TC2N: variants seen among roughly 807,000 people sequenced by gnomAD.
TC2N encodes tandem C2 domains nuclear protein.
A neutral mutation model predicts 61.9 loss-of-function variants in TC2N; 51 were observed. The ratio of observed to expected loss-of-function variants is 0.82; its 90% CI spans 0.66 to 1.04. The LOEUF is 1.04. Ranked by LOEUF, TC2N falls within the 50% of genes least tolerant of loss-of-function variation. The pLI, the probability that TC2N is intolerant of heterozygous loss-of-function variation, is 0.00. For synonymous variants in TC2N, 204 were observed against 192.6 expected (o/e 1.06, Z -0.49); for missense variants, 556 against 566.7 (o/e 0.98, Z 0.19).
Position 91,798,342 on chromosome 14 carries a change from A to C in TC2N, c.695T>G (p.Phe232Cys), listed in dbSNP as rs745549759. The C allele has an allele frequency of 1.9e-6, 3 of 1,596,976 alleles. No individual in the cohort carries two copies. The East Asian group carries it at 6.8e-5, about 36-fold the overall frequency. Residue 232 changes from phenylalanine to cysteine, a missense_variant, in exon 7 of 12, where the codon TTT (phenylalanine) becomes TGT (cysteine). Phe to Cys is a radical substitution (Grantham distance 205). Coordinates refer to ENST00000435962, the MANE Select transcript of TC2N (RefSeq NM_001128596.3). ...GATCTGTTCTACTGAAGAATTATAA[A>C]ACAATTTCACATTCAGTCTCCCAAA... ...RDFGRLNVKLFYNSSVEQIWI... is the reference protein window; with the variant it reads ...RDFGRLNVKLCYNSSVEQIWI...
chr14:91,807,229 G>C (rs914589122), intron 3 of TC2N, among the ~76,000 whole-genome samples: 9 of 152,240 alleles, frequency 5.9e-5, no homozygotes, highest in Non-Finnish European at 1.3e-4. Flanking sequence ...GTATGGAAGG[G>C]AAATGTGGAG....
intron 1 of TC2N, among the ~76,000 whole-genome samples, chr14:91,819,442 A>G (rs1168903620): frequency 6.6e-6 from 1 of 152,174 alleles, no homozygotes; most frequent in African/African-American, 2.4e-5. Flanking sequence ...CCATCAACCT[A>G]GAATTTGACA....
At position 91,785,874 on chromosome 14, in the gene TC2N, GA is replaced by G. The variant is rs1009550326; in HGVS notation, c.1163-514del. Among the ~76,000 whole-genome samples, 29 of 152,014 alleles carry G rather than the reference GA, an allele frequency of 1.9e-4. 1 individual carries two copies. Among genetic ancestry groups the G allele is most frequent in the Non-Finnish European group, 3.2e-4 (22 of 67,960 alleles). ...CCATAAACAACTATTATAAACTTTG[GA>G]AAAAAATTTTAAAACACTAAAAGCA... On this transcript the variant is annotated intron_variant, in intron 10 of 11. Coordinates refer to ENST00000435962, the MANE Select transcript of TC2N (RefSeq NM_001128596.3).
rs1885158624 is a variant in TC2N at position 91,782,102 on chromosome 14, A to G, written c.*998T>C. 6.6e-6 allele frequency: 1 copy of G among 152,098 alleles called. No individual in the cohort carries two copies. 9.4% of individuals were successfully genotyped at this position (152,098 alleles called of 1,614,324 possible). On this transcript the variant is annotated 3_prime_UTR_variant, in exon 12 of 12. Transcript: ENST00000435962. ...TTTTTGGCCACAGTTCTTATGGTCA[A>G]TTAAGCTGAAATTATTTCCAAATAC...
intron 1 of TC2N, among the ~76,000 whole-genome samples, chr14:91,816,746 C>T (rs1039694152): frequency 6.6e-6 from 1 of 151,878 alleles, no homozygotes; most frequent in Non-Finnish European, 1.5e-5. Context: ...TTCGCTATCT[C>T]ATTAGCACAA....
intron 1 of TC2N, chr14:91,866,391 G>C (rs187381348): frequency 1.2e-3 from 179 of 152,336 alleles, no homozygotes; most frequent in African/African-American, 4.2e-3. Context: ...AAAGTGTTAT[G>C]ATTGGCAAAC....
intron 1 of TC2N, chr14:91,836,625 C>CG (rs1888029162): frequency 7.5e-6 from 1 of 133,730 alleles, no homozygotes; most frequent in Non-Finnish European, 1.6e-5. Context: ...AGGGGCGAGG[C>CG]AGGGCGGGGC....
rs541234969 is a variant in TC2N, at chr14:91,780,438, G to A, written c.*2662C>T. 1 of 152,260 alleles carries A rather than the reference G, an allele frequency of 6.6e-6. No individual in the cohort carries two copies. Among genetic ancestry groups the A allele is most frequent in the East Asian group, 1.9e-4 (1 of 5,192 alleles). The allele number at this position is 152,260 out of a possible 1,614,324, so 9.4% of individuals were successfully genotyped here. Reference sequence around the variant, plus strand: ...CACTAGTTTCTTCTTAACAGTCTTGGTAAGAGATGAAACTGATATACTTCA... The same window carrying A: ...CACTAGTTTCTTCTTAACAGTCTTGATAAGAGATGAAACTGATATACTTCA... On this transcript the variant is annotated 3_prime_UTR_variant, in exon 12 of 12. Coordinates refer to ENST00000435962, the MANE Select transcript of TC2N (RefSeq NM_001128596.3).
chr14:91,793,468 G>C (rs1378938731), intron 8 of TC2N, among the ~76,000 whole-genome samples: 2 of 152,144 alleles, frequency 1.3e-5, no homozygotes, highest in Non-Finnish European at 2.9e-5. Context: ...GAAGGTTCGT[G>C]GCAACACTGT....
At chr14:91,813,467 T>C (rs1023104449) in intron 2 of TC2N, among the ~76,000 whole-genome samples, 1 of 151,770 alleles carries the variant, frequency 6.6e-6, no homozygotes, top group Non-Finnish European at 1.5e-5. Flanking sequence ...CCTATTCAGA[T>C]TTCCATAGCA....
intron 1 of TC2N, among the ~76,000 whole-genome samples, chr14:91,853,889 C>A (rs1888427373): frequency 6.6e-6 from 1 of 151,596 alleles, no homozygotes; most frequent in Non-Finnish European, 1.5e-5. Flanking sequence ...CTGTGGGATG[C>A]ATTGTTTGTG....
chr14:91,799,563 A>G (rs1310662746), intron 5 of TC2N, among the ~76,000 whole-genome samples: 2 of 152,114 alleles, frequency 1.3e-5, no homozygotes, highest in East Asian at 3.9e-4. Flanking sequence ...AAGCTCTCCA[A>G]ACAATTCTGA....
chr14:91,785,197 G>T lies in TC2N; in HGVS notation c.1327C>A (p.Arg443=). Residue 443 remains arginine (R), a synonymous_variant, in exon 11 of 12, where the codon CGA becomes AGA. Coordinates refer to ENST00000435962, the MANE Select transcript of TC2N (RefSeq NM_001128596.3). ...EIVFLIKLYS[R]SSVRRKHFVG... ...AAGTGTTTTCTTCTTACAGAGCTTC[G>T]ACTGTAAAGCTTAATGAGAAAAACA... The T allele has an allele frequency of 6.2e-7, 1 of 1,613,298 alleles. No individual in the cohort carries two copies. Among genetic ancestry groups the T allele is most frequent in the South Asian group, 1.1e-5 (1 of 91,000 alleles).
chr14:91,861,913 A>AATATAT (rs10654548), intron 1 of TC2N, among the ~76,000 whole-genome samples: 3 of 148,766 alleles, frequency 2.0e-5, no homozygotes, highest in Non-Finnish European at 3.0e-5. Flanking sequence ...GTCGTTGGAA[A>AATATAT]ATATATATAT....
chr14:91,791,981 T>C (rs1360081639), intron 9 of TC2N, among the ~76,000 whole-genome samples: 1 of 151,726 alleles, frequency 6.6e-6, no homozygotes, highest in Non-Finnish European at 1.5e-5. Flanking sequence ...TAGCCAGGCA[T>C]GGTGGTGGGC....
chr14:91,855,096 G>A (rs1888457470), intron 1 of TC2N, among the ~76,000 whole-genome samples: 1 of 152,096 alleles, frequency 6.6e-6, no homozygotes, highest in Admixed American at 6.5e-5. Flanking sequence ...GAAGAAACAA[G>A]TTGAGCAGGG....
chr14:91,803,660 T>C (rs1436653925), intron 3 of TC2N, among the ~76,000 whole-genome samples: 1 of 152,102 alleles, frequency 6.6e-6, no homozygotes, highest in Non-Finnish European at 1.5e-5. Context: ...ACTCACCATG[T>C]TGGCCAGGCT....
intron 1 of TC2N, among the ~76,000 whole-genome samples, chr14:91,834,563 T>G (rs1276146047): frequency 6.6e-6 from 1 of 152,212 alleles, no homozygotes; most frequent in East Asian, 1.9e-4. Flanking sequence ...CATTTACTTG[T>G]GAGTGCAGAA....
intron 1 of TC2N, among the ~76,000 whole-genome samples, chr14:91,853,253 CA>C (rs1033637959): frequency 1.6e-4 from 24 of 152,182 alleles, no homozygotes; most frequent in African/African-American, 4.8e-4. Context: ...ATGGAAGGGA[CA>C]GGGGCAGAGG....
Sources: gnomAD v4.1 joint callset for allele counts (sites outside exome capture counted in the v4.1 genomes callset) on GRCh38, gnomAD v4.1.1 for gene constraint, MANE v1.5 for transcripts, NCBI Gene and HGNC (gene_info 2026-07-23, HGNC 2026-07-21) for gene names.